The following STX18 variants were observed in gnomAD, a reference collection of about 807,000 sequenced individuals.
STX18 encodes syntaxin 18.
A neutral mutation model predicts 50.1 loss-of-function variants in STX18; 40 were observed. The ratio of observed to expected loss-of-function variants is 0.80; its 90% CI spans 0.62 to 1.04. The LOEUF is 1.04. Among genes scored for constraint, STX18 ranks in the 50% least tolerant of loss-of-function variants. STX18 has a pLI of 0.00. For missense variants in STX18, 410 were observed against 415.8 expected (o/e 0.99, Z 0.12); for synonymous variants, 158 against 151.8 (o/e 1.04, Z -0.30).
chr4:4,431,844 C>T (rs1293454145), intron 7 of STX18, among the ~76,000 whole-genome samples: 2 of 152,158 alleles, frequency 1.3e-5, no homozygotes, highest in Non-Finnish European at 2.9e-5. Flanking sequence ...ACTGCCACTC[C>T]CGGCTCAAGG....
In STX18 at chr4:4,425,597, A is replaced by T. The variant is rs926052296; in HGVS notation, c.703-375T>A. The T allele has an allele frequency of 1.1e-4, 34 of 300,254 alleles. No homozygotes were observed. In the South Asian group the frequency reaches 1.6e-3, roughly 14 times the overall value. 18.6% of individuals were successfully genotyped at this position (300,254 alleles called of 1,614,324 possible). On this transcript the variant is annotated intron_variant, in intron 7 of 10. Transcript: ENST00000306200. ...CTTTTGTTGTTGTTTTCTCTCATGA[A>T]CTATACTGAAGGACTATACATATTT...
intron 1 of STX18, among the ~76,000 whole-genome samples, chr4:4,532,831 C>T (rs1177900243): frequency 6.6e-6 from 1 of 152,120 alleles, no homozygotes; most frequent in African/African-American, 2.4e-5. Flanking sequence ...ATAGAATTCA[C>T]TGCTGGAGAA....
At chr4:4,434,969 T>A in intron 6 of STX18, 111 bp from the exon 7 acceptor site, 1 of 704,314 alleles carries the variant, frequency 1.4e-6, no homozygotes, top group Non-Finnish European at 2.3e-6. Context: ...TACAGCTTTG[T>A]CTATATATTT....
chr4:4,513,542 G>C lies in STX18; in HGVS notation c.168+28255C>G, dbSNP rs1274977513. Among the ~76,000 whole-genome samples the C allele has an allele frequency of 2.0e-5, 3 of 152,236 alleles. No homozygotes were observed. In the East Asian group the frequency reaches 5.8e-4, roughly 29 times the overall value. ...TCACTGCTCTGTTCTTGGATCTTAT[G>C]GTTGCTTTTAGAGGCCACATTCCCC... is the stretch of plus-strand genomic sequence containing the variant. On this transcript the variant is annotated intron_variant, in intron 1 of 10. Transcript: ENST00000306200.
chr4:4,443,213 T>G (rs1027175528), intron 5 of STX18, among the ~76,000 whole-genome samples: 6 of 152,254 alleles, frequency 3.9e-5, no homozygotes, highest in African/African-American at 1.4e-4. Flanking sequence ...AAAAAGTTAT[T>G]AATTATAGCA....
chr4:4,463,993 A>G (rs1727504441), intron 2 of STX18, among the ~76,000 whole-genome samples: 1 of 152,236 alleles, frequency 6.6e-6, no homozygotes, highest in South Asian at 2.1e-4. Context: ...TGGAGAATTT[A>G]TAAGAAGTAT....
intron 5 of STX18, among the ~76,000 whole-genome samples, chr4:4,448,982 CA>C (rs1191759609): frequency 2.7e-5 from 4 of 147,224 alleles, no homozygotes; most frequent in East Asian, 2.0e-4. Flanking sequence ...AGCAGTAGAC[CA>C]AAAAAAAAGT....
At chr4:4,493,555 C>G (rs546186264) in intron 1 of STX18, among the ~76,000 whole-genome samples, 1 of 152,070 alleles carries the variant, frequency 6.6e-6, no homozygotes, top group African/African-American at 2.4e-5. Context: ...ATTCAAATGA[C>G]GCATCTTATT....
chr4:4,538,583 G>A (rs1731446507), intron 1 of STX18, among the ~76,000 whole-genome samples: 1 of 130,584 alleles, frequency 7.7e-6, no homozygotes. Flanking sequence ...GGTAGTTTGG[G>A]GGAACAATAA....
chr4:4,429,473 T>C (rs1056264552), intron 7 of STX18, among the ~76,000 whole-genome samples: 3 of 152,192 alleles, frequency 2.0e-5, no homozygotes, highest in African/African-American at 4.8e-5. Context: ...AGAGAAGTAT[T>C]TGTGTCACAA....
intron 1 of STX18, among the ~76,000 whole-genome samples, chr4:4,521,463 A>G (rs1299487608): frequency 1.3e-5 from 2 of 152,240 alleles, no homozygotes; most frequent in Non-Finnish European, 2.9e-5. Context: ...AGTATGCATC[A>G]TGAAATCAGA....
chr4:4,500,389 GT>G (rs1729390885), intron 1 of STX18, among the ~76,000 whole-genome samples: 1 of 152,060 alleles, frequency 6.6e-6, no homozygotes, highest in African/African-American at 2.4e-5. Context: ...TTTTTTTCTT[GT>G]TACTATTCTC....
intron 1 of STX18, among the ~76,000 whole-genome samples, chr4:4,513,951 C>T (rs1730121630): frequency 1.3e-5 from 2 of 152,032 alleles, no homozygotes; most frequent in South Asian, 2.1e-4. Flanking sequence ...ACGTCCTTAG[C>T]GGGGGTAAGG....
chr4:4,534,721 C>A (rs1428445343), intron 1 of STX18, among the ~76,000 whole-genome samples: 1 of 152,250 alleles, frequency 6.6e-6, no homozygotes, highest in Non-Finnish European at 1.5e-5. Flanking sequence ...ACAACGCTCT[C>A]ATCTAAGAGT....
At chr4:4,448,370 C>G (rs1330419913) in intron 5 of STX18, among the ~76,000 whole-genome samples, 8 of 151,074 alleles carry the variant, frequency 5.3e-5, no homozygotes, top group African/African-American at 1.5e-4. Flanking sequence ...TTGACAGAGT[C>G]TCACTCCATC....
chr4:4,514,359 T>C (rs914342142), intron 1 of STX18, among the ~76,000 whole-genome samples: 3 of 152,190 alleles, frequency 2.0e-5, no homozygotes, highest in Admixed American at 2.0e-4. Flanking sequence ...ATGAATAAAA[T>C]TCATTCTCTC....
At chr4:4,429,486 A>C (rs945275835) in intron 7 of STX18, among the ~76,000 whole-genome samples, 4 of 152,210 alleles carry the variant, frequency 2.6e-5, no homozygotes, top group African/African-American at 7.2e-5. Context: ...TGTCACAAAG[A>C]GCCAAGAAAA....
chr4:4,523,498 C>T (rs1730614702), intron 1 of STX18, among the ~76,000 whole-genome samples: 1 of 152,198 alleles, frequency 6.6e-6, no homozygotes, highest in African/African-American at 2.4e-5. Context: ...TCAGCAGGCA[C>T]CTCAAGTAAC....
rs1207290299 is a variant in STX18 at position 4,420,070 on chromosome 4, G to C, written c.972C>G (p.Ser324=). Residue 324 remains serine (S), a synonymous_variant, in exon 11 of 11, where the codon TCC becomes TCG. Coordinates refer to ENST00000306200, the MANE Select transcript of STX18 (RefSeq NM_016930.4). The surrounding 1 kb of genome is among the most constrained non-coding windows in gnomAD (Gnocchi z 4.3). ...ACCAGTCGAGGAAGAGCAAGGAGAAGGAGCACATCACGAGGAAGAAGAGGA... is the reference window on the plus strand; with the variant it reads ...ACCAGTCGAGGAAGAGCAAGGAGAACGAGCACATCACGAGGAAGAAGAGGA... ...VWILFFLVMC[S]FSLLFLDWYD... 2 of 1,613,464 alleles carry C rather than the reference G, an allele frequency of 1.2e-6. No homozygotes were observed. The highest frequency in any genetic ancestry group is 8.5e-7 in the Non-Finnish European group (1 of 1,179,710).
Sources: gnomAD v4.1 joint callset for allele counts (sites outside exome capture counted in the v4.1 genomes callset) on GRCh38, gnomAD v4.1.1 for gene constraint, Gnocchi (gnomAD v3.1) non-coding constraint, MANE v1.5 for transcripts, NCBI Gene and HGNC (gene_info 2026-07-23, HGNC 2026-07-21) for gene names.